Variants in DCBLD2 observed in about 807,000 individuals in gnomAD.
DCBLD2 encodes the protein discoidin, CUB and LCCL domain-containing protein 2.
In DCBLD2, 54 loss-of-function variants were observed where a neutral mutation model predicts 86.8. The ratio of observed to expected loss-of-function variants is 0.62; its 90% CI spans 0.50 to 0.78. The LOEUF (loss-of-function observed/expected upper bound fraction) is 0.78. Among genes scored for constraint, DCBLD2 ranks in the 30% least tolerant of loss-of-function variants. The pLI is 0.00. For synonymous variants in DCBLD2, 354 were observed against 341.3 expected (o/e 1.04, Z -0.41); for missense variants, 908 against 954.2 (o/e 0.95, Z 0.64).
chr3:98,882,729 T>C (rs555367114), intron 1 of DCBLD2, among the ~76,000 whole-genome samples: 2 of 152,210 alleles, frequency 1.3e-5, no homozygotes, highest in Non-Finnish European at 2.9e-5. Context: ...GCTTCATCCA[T>C]GTCCCTGCAA....
At chr3:98,880,742 C>G (rs960337455) in intron 2 of DCBLD2, among the ~76,000 whole-genome samples, 1 of 152,050 alleles carries the variant, frequency 6.6e-6, no homozygotes, top group Non-Finnish European at 1.5e-5. Context: ...CTAGTTCATT[C>G]CCTGTATTTT....
intron 2 of DCBLD2, among the ~76,000 whole-genome samples, chr3:98,861,833 A>C (rs1943049857): frequency 1.3e-5 from 2 of 152,212 alleles, no homozygotes; most frequent in African/African-American, 2.4e-5. Context: ...AGCAAGAGCA[A>C]ACACATTCAA....
Position 98,799,446 on chromosome 3 carries a change from C to T in DCBLD2, c.2254G>A (p.Val752Met), listed in dbSNP as rs763388719. 13 of 1,613,896 alleles carry T rather than the reference C, an allele frequency of 8.1e-6. No individual in the cohort carries two copies. In the South Asian group the frequency reaches 1.4e-4, roughly 18 times the overall value. The change falls in exon 16 of 16, where the codon GTG becomes ATG. Residue 752 changes from valine (V) to methionine (M), a missense_variant. Val to Met is a conservative substitution (Grantham distance 21, BLOSUM62 1). Transcript: ENST00000326840. ...GATACTTCTTGTGTGCTCTGTGGCA[C>T]CTGGTACACCAATTCGTCTGGGGCA... The part of the protein sequence containing the change: ...LPAPDELVYQ[V>M]PQSTQEVSGA...
At chr3:98,898,073 T>G (rs1410206470) in intron 1 of DCBLD2, among the ~76,000 whole-genome samples, 1 of 152,080 alleles carries the variant, frequency 6.6e-6, no homozygotes, top group Non-Finnish European at 1.5e-5. Context: ...ACCAACTTCT[T>G]GATATCCAAC....
intron 3 of DCBLD2, among the ~76,000 whole-genome samples, chr3:98,828,556 A>G (rs1942265618): frequency 6.6e-6 from 1 of 152,222 alleles, no homozygotes; most frequent in African/African-American, 2.4e-5. Context: ...AGACATAACA[A>G]GCACTGGCAA....
chr3:98,887,514 C>G (rs1453000404), intron 1 of DCBLD2, among the ~76,000 whole-genome samples: 2 of 151,862 alleles, frequency 1.3e-5, no homozygotes, highest in African/African-American at 2.4e-5. Context: ...TTTTAATGTC[C>G]TCTTTAGCCC....
Position 98,898,882 on chromosome 3 carries a change from TAGTA to T in DCBLD2, c.205+2236_205+2239del, listed in dbSNP as rs1398574242. Among the ~76,000 whole-genome samples, 6 of 152,196 alleles carry T rather than the reference TAGTA, an allele frequency of 3.9e-5. No individual in the cohort carries two copies. In the East Asian group the frequency reaches 1.2e-3, roughly 29 times the overall value. On this transcript the variant is annotated intron_variant, in intron 1 of 15. Coordinates refer to ENST00000326840, the MANE Select transcript of DCBLD2 (RefSeq NM_080927.4). ...CTAATTAGCTCTTAATTTATCAACT[TAGTA>T]AGATCGAGATTAGTAATAATCATTT...
chr3:98,863,958 T>C (rs1943093155), intron 2 of DCBLD2, among the ~76,000 whole-genome samples: 1 of 152,160 alleles, frequency 6.6e-6, no homozygotes. Context: ...AATCTACTCA[T>C]CTGACAAAGG....
chr3:98,881,541 T>C lies in DCBLD2; in HGVS notation c.432A>G (p.Ile144Met), dbSNP rs9838238. 0.046 allele frequency: 73,506 copies of C among 1,612,956 alleles called. 1,825 individuals carry two copies. Among genetic ancestry groups the C allele is most frequent in the Non-Finnish European group, 0.048 (57,176 of 1,179,276 alleles). Residue 144 changes from isoleucine to methionine, a missense_variant and splice_region_variant, in exon 2 of 16, where the codon ATA becomes ATG. Ile to Met is a conservative substitution (Grantham distance 10). Coordinates refer to ENST00000326840, the MANE Select transcript of DCBLD2 (RefSeq NM_080927.4). ...YNGIGVSRTE[I>M]GKYCGLGLQM... ...TACATTTACAAAAAAAAGTCCTACC[T>C]ATTTCAGTTCTGCTGACTCCAATTC...
At chr3:98,823,772 T>G (rs1942164747) in intron 4 of DCBLD2, among the ~76,000 whole-genome samples, 1 of 152,176 alleles carries the variant, frequency 6.6e-6, no homozygotes, top group African/African-American at 2.4e-5. Context: ...ATGGAGGAGA[T>G]GCTAGTGTTG....
At chr3:98,892,607 C>T (rs1441905084) in intron 1 of DCBLD2, among the ~76,000 whole-genome samples, 2 of 152,120 alleles carry the variant, frequency 1.3e-5, no homozygotes, top group Non-Finnish European at 2.9e-5. Flanking sequence ...GAAAGCCAGA[C>T]TGAAACAAGA....
At chr3:98,864,998 T>C (rs1943118102) in intron 2 of DCBLD2, among the ~76,000 whole-genome samples, 1 of 152,180 alleles carries the variant, frequency 6.6e-6, no homozygotes. Flanking sequence ...GGTACACTTC[T>C]ACACTATTGG....
chr3:98,878,259 A>G (rs1943403491), intron 2 of DCBLD2, among the ~76,000 whole-genome samples: 1 of 152,198 alleles, frequency 6.6e-6, no homozygotes, highest in Admixed American at 6.5e-5. Context: ...AGCACCAGAA[A>G]TGGGACAAAT....
intron 13 of DCBLD2, among the ~76,000 whole-genome samples, chr3:98,802,317 CATTTTTTCATGT>C (rs1941743020): frequency 6.6e-6 from 1 of 152,164 alleles, no homozygotes; most frequent in Non-Finnish European, 1.5e-5. Context: ...TGATGATGAG[CATTTTTTCATGT>C]GTTTGTTGGC....
At chr3:98,883,513 CAT>C (rs1173603094) in intron 1 of DCBLD2, among the ~76,000 whole-genome samples, 1 of 152,078 alleles carries the variant, frequency 6.6e-6, no homozygotes, top group Admixed American at 6.6e-5. Context: ...TAGTTAACAA[CAT>C]GTTTGTAAAA....
chr3:98,889,063 C>T (rs1044556104), intron 1 of DCBLD2, among the ~76,000 whole-genome samples: 9 of 151,886 alleles, frequency 5.9e-5, no homozygotes, highest in African/African-American at 2.2e-4. Flanking sequence ...CTAGTCTGGG[C>T]CTCACGTCCA....
intron 3 of DCBLD2, among the ~76,000 whole-genome samples, chr3:98,845,366 T>A (rs1226117899): frequency 6.6e-6 from 1 of 152,156 alleles, no homozygotes; most frequent in Non-Finnish European, 1.5e-5. Flanking sequence ...GCTCAAAGAC[T>A]CTTCCTAGAG....
intron 3 of DCBLD2, among the ~76,000 whole-genome samples, chr3:98,847,588 T>C (rs1446029128): frequency 6.6e-6 from 1 of 152,190 alleles, no homozygotes; most frequent in Non-Finnish European, 1.5e-5. Context: ...CAATAAGACA[T>C]ATCGTGTTTA....
chr3:98,864,529 A>G (rs1248207605), intron 2 of DCBLD2, among the ~76,000 whole-genome samples: 2 of 152,248 alleles, frequency 1.3e-5, no homozygotes, highest in Non-Finnish European at 2.9e-5. Context: ...CAACCATAAA[A>G]AAAGATGAGT....
Sources: gnomAD v4.1 joint callset for allele counts (sites outside exome capture counted in the v4.1 genomes callset) on GRCh38, gnomAD v4.1.1 for gene constraint, MANE v1.5 for transcripts, NCBI Gene and HGNC (gene_info 2026-07-23, HGNC 2026-07-21) for gene names.